Variants in MIS18A observed in about 807,000 individuals in gnomAD.
MIS18A encodes the protein protein Mis18-alpha.
A neutral mutation model predicts 25.0 loss-of-function variants in MIS18A; 14 were observed. The ratio of observed to expected loss-of-function variants is 0.56; its 90% confidence interval spans 0.37 to 0.88. The LOEUF is 0.88. Ranked by LOEUF, MIS18A falls within the 40% of genes least tolerant of loss-of-function variation. The probability of loss-of-function intolerance (pLI) is 0.00; values close to 1 mark genes in which losing one functional copy is unlikely to be tolerated. For missense variants in MIS18A, 292 were observed against 290.8 expected, an observed-to-expected ratio of 1.00 and a Z score of -0.03; for synonymous variants, 134 against 118.6, an observed-to-expected ratio of 1.13 and a Z score of -0.84.
chr21:32,255,899 A>G, the MIS18A span, among the ~76,000 whole-genome samples: 1 of 151,996 alleles, frequency 6.6e-6, no homozygotes, highest in Non-Finnish European at 1.5e-5. Flanking sequence ...CCAAAAAAAA[A>G]AAAAAGAACA....
At chr21:32,266,043 A>G (rs1011889215), downstream of MIS18A, among the ~76,000 whole-genome samples, 27 of 148,712 alleles carry the variant, frequency 1.8e-4, no homozygotes, top group Non-Finnish European at 3.5e-4. Context: ...CTGCTCTGGC[A>G]AGGACGTGGA....
chr21:32,184,128 C>T, the MIS18A span, among the ~76,000 whole-genome samples: 1 of 152,212 alleles, frequency 6.6e-6, no homozygotes, highest in Admixed American at 6.5e-5. Flanking sequence ...TCAGAAAGCC[C>T]CCAGCATCAC....
chr21:32,263,474 G>A (rs1452078644), downstream of MIS18A, among the ~76,000 whole-genome samples: 6 of 152,158 alleles, frequency 3.9e-5, no homozygotes, highest in East Asian at 1.9e-4. Flanking sequence ...GGTGGCACGC[G>A]CCTGTAGTCC....
the MIS18A span, among the ~76,000 whole-genome samples, chr21:32,255,524 C>T: frequency 6.7e-6 from 1 of 149,560 alleles, no homozygotes; most frequent in Non-Finnish European, 1.5e-5. Flanking sequence ...TGAGCCACCG[C>T]GCTTGGCATT....
At position 32,279,029 on chromosome 21, in the gene MIS18A, C is replaced by G. The variant is rs778425543; in HGVS notation, c.-15G>C. The G allele has an allele frequency of 6.3e-7, 1 of 1,583,072 alleles. No homozygotes were observed. Among genetic ancestry groups the G allele is most frequent in the Non-Finnish European group, 8.6e-7 (1 of 1,165,322 alleles). On this transcript the variant is annotated 5_prime_UTR_variant, in exon 1 of 5. Coordinates refer to ENST00000290130, the MANE Select transcript of MIS18A (RefSeq NM_018944.3). ...ACGCCTGCCATTACCTACAAATCGC[C>G]CGCGCCCCAGAGCGCCATGGGAAAA...
chr21:32,180,945 G>A, the MIS18A span, among the ~76,000 whole-genome samples: 7 of 96,690 alleles, frequency 7.2e-5, no homozygotes, highest in African/African-American at 3.8e-4. Flanking sequence ...AAGGGAATGT[G>A]ATGGTTAATT....
the MIS18A span, among the ~76,000 whole-genome samples, chr21:32,167,786 A>G: frequency 6.6e-6 from 1 of 152,248 alleles, no homozygotes; most frequent in Non-Finnish European, 1.5e-5. Context: ...ACCTTCTCAC[A>G]TAATATTAAA....
chr21:32,218,068 C>T, the MIS18A span, among the ~76,000 whole-genome samples: 1 of 151,690 alleles, frequency 6.6e-6, no homozygotes, highest in Non-Finnish European at 1.5e-5. Flanking sequence ...TGTTGGGCGC[C>T]TGTAGTCCCA....
At chr21:32,249,121 A>C in the MIS18A span, among the ~76,000 whole-genome samples, 2 of 152,216 alleles carry the variant, frequency 1.3e-5, no homozygotes, top group Non-Finnish European at 2.9e-5. Flanking sequence ...CTGGCAGAGA[A>C]AGATGGTTGA....
At chr21:32,200,660 G>C in the MIS18A span, among the ~76,000 whole-genome samples, 6 of 151,920 alleles carry the variant, frequency 3.9e-5, no homozygotes, top group African/African-American at 1.2e-4. Flanking sequence ...GGATGGTCTC[G>C]ATCTCCTGAC....
chr21:32,243,479 A>AT, the MIS18A span, among the ~76,000 whole-genome samples: 1 of 152,242 alleles, frequency 6.6e-6, no homozygotes, highest in Non-Finnish European at 1.5e-5. Context: ...TATGAAAAAG[A>AT]TGTTTATCAT....
At chr21:32,204,994 G>A in the MIS18A span, among the ~76,000 whole-genome samples, 1 of 151,996 alleles carries the variant, frequency 6.6e-6, no homozygotes, top group Admixed American at 6.6e-5. Flanking sequence ...TTCATTGGAT[G>A]GCCAATTCTA....
chr21:32,164,126 C>T, the MIS18A span, among the ~76,000 whole-genome samples: 4 of 152,154 alleles, frequency 2.6e-5, no homozygotes, highest in African/African-American at 9.7e-5. Flanking sequence ...GATCCAAACA[C>T]CTCCCACTAG....
the MIS18A span, among the ~76,000 whole-genome samples, chr21:32,218,522 A>G: frequency 6.6e-6 from 1 of 152,234 alleles, no homozygotes; most frequent in East Asian, 1.9e-4. Flanking sequence ...AAAAGCACAA[A>G]GGAGCAGAGA....
the MIS18A span, among the ~76,000 whole-genome samples, chr21:32,183,558 C>G: frequency 6.6e-4 from 101 of 152,298 alleles, no homozygotes; most frequent in African/African-American, 2.4e-3. Flanking sequence ...TCCAAACAAC[C>G]CCCTCCTTGG....
rs968902585 is a variant in MIS18A at position 32,268,463 on chromosome 21, C to G, written c.*574G>C. The stretch of plus-strand genomic sequence containing the variant: ...TGAGCAAGTTTTCAAATGGTTCTGA[C>G]AGATCATTCTGACCAATTTCTCCAG... On this transcript the variant is annotated 3_prime_UTR_variant, in exon 5 of 5. Coordinates refer to ENST00000290130, the MANE Select transcript of MIS18A (RefSeq NM_018944.3). 4 of 152,298 alleles carry G rather than the reference C, an allele frequency of 2.6e-5. No homozygotes were observed. The highest frequency in any genetic ancestry group is 9.6e-5 in the African/African-American group (4 of 41,564). The allele number at this position is 152,298 out of a possible 1,614,324, so 9.4% of individuals were successfully genotyped here.
the MIS18A span, among the ~76,000 whole-genome samples, chr21:32,239,813 A>G: frequency 6.6e-6 from 1 of 152,232 alleles, no homozygotes; most frequent in Non-Finnish European, 1.5e-5. Context: ...CCTCTGAGGA[A>G]GAAAAGTGCT....
chr21:32,239,679 C>G, the MIS18A span, among the ~76,000 whole-genome samples: 1 of 152,142 alleles, frequency 6.6e-6, no homozygotes, highest in South Asian at 2.1e-4. Context: ...TTATAATATT[C>G]TGACCACAGA....
At chr21:32,177,312 T>C in the MIS18A span, among the ~76,000 whole-genome samples, 1 of 152,172 alleles carries the variant, frequency 6.6e-6, no homozygotes, top group Non-Finnish European at 1.5e-5. Context: ...CTCAATCTAA[T>C]AATAGTATCT....
Sources: gnomAD v4.1 joint callset for allele counts (sites outside exome capture counted in the v4.1 genomes callset) on GRCh38, gnomAD v4.1.1 for gene constraint, MANE v1.5 for transcripts, NCBI Gene and HGNC (gene_info 2026-07-23, HGNC 2026-07-21) for gene names.